PDE10A: variants seen among roughly 807,000 people sequenced by gnomAD.
The protein encoded by PDE10A is phosphodiesterase 10A, also known as cAMP and cAMP-inhibited cGMP 3',5'-cyclic phosphodiesterase 10A.
In PDE10A, 39 loss-of-function variants were observed where a neutral mutation model predicts 97.7. The observed-to-expected ratio is 0.40, with a 90% confidence interval of 0.31 to 0.52. The LOEUF is 0.52. Among genes scored for constraint, PDE10A ranks in the 20% least tolerant of loss-of-function variants. The pLI is 0.56. For synonymous variants in PDE10A, 371 were observed against 376.8 expected (o/e 0.98, Z 0.18); for missense variants, 731 against 1,047.8 (o/e 0.70, Z 4.17).
At chr6:165,407,333 C>T (rs1339188088) in intron 13 of PDE10A, among the ~76,000 whole-genome samples, 3 of 152,156 alleles carry the variant, frequency 2.0e-5, no homozygotes, top group Non-Finnish European at 2.9e-5. Context: ...GGCTCTATCA[C>T]ATACTTGCTA....
chr6:165,598,977 T>G (rs969080718), intron 1 of PDE10A, among the ~76,000 whole-genome samples: 3 of 152,102 alleles, frequency 2.0e-5, no homozygotes, highest in African/African-American at 7.2e-5. Flanking sequence ...GCAGACTGCC[T>G]CTCCAGTCCT....
intron 1 of PDE10A, among the ~76,000 whole-genome samples, chr6:165,923,333 G>T (rs1782811656): frequency 6.6e-6 from 1 of 152,222 alleles, no homozygotes; most frequent in Non-Finnish European, 1.5e-5. Flanking sequence ...CTCTGTGCAT[G>T]TCTACTAGAA....
At chr6:165,519,741 TATG>T (rs1424686144) in intron 2 of PDE10A, among the ~76,000 whole-genome samples, 4 of 152,208 alleles carry the variant, frequency 2.6e-5, no homozygotes, top group South Asian at 2.1e-4. Context: ...CTGAGGTGCC[TATG>T]ATAACACGTG....
chr6:165,907,167 G>A (rs540950812), intron 1 of PDE10A, among the ~76,000 whole-genome samples: 3 of 152,346 alleles, frequency 2.0e-5, no homozygotes, highest in South Asian at 4.1e-4. Flanking sequence ...TGGTGATGGG[G>A]CCAAAACCCT....
intron 1 of PDE10A, among the ~76,000 whole-genome samples, chr6:165,928,423 C>A (rs66751203): frequency 0.094 from 14,326 of 152,220 alleles, 861 homozygotes; most frequent in African/African-American, 0.14. Flanking sequence ...ACTCCAGGAT[C>A]CAGGGAGCCC....
chr6:165,622,273 A>AGAGT (rs1788175827), intron 1 of PDE10A, among the ~76,000 whole-genome samples: 1 of 148,838 alleles, frequency 6.7e-6, no homozygotes, highest in African/African-American at 2.5e-5. Flanking sequence ...TGTGTTTGTG[A>AGAGT]GTGTGTGTGT....
At chr6:165,567,994 A>G (rs864880) in intron 1 of PDE10A, among the ~76,000 whole-genome samples, 1 of 130,650 alleles carries the variant, frequency 7.7e-6, no homozygotes, top group Non-Finnish European at 1.5e-5. Flanking sequence ...GCAACAAGGC[A>G]TTTTTTTTTT....
chr6:165,780,089 A>G (rs1778304406), intron 1 of PDE10A, among the ~76,000 whole-genome samples: 1 of 152,118 alleles, frequency 6.6e-6, no homozygotes, highest in African/African-American at 2.4e-5. Flanking sequence ...TTACATTTGT[A>G]TCTTTAAGTG....
chr6:165,724,290 T>A (rs1021943842), intron 1 of PDE10A, among the ~76,000 whole-genome samples: 23 of 152,172 alleles, frequency 1.5e-4, no homozygotes, highest in Non-Finnish European at 1.8e-4. Flanking sequence ...ACCTATAACA[T>A]GAGGTCATCA....
intron 1 of PDE10A, among the ~76,000 whole-genome samples, chr6:165,604,521 A>T (rs1172907543): frequency 1.4e-5 from 2 of 145,840 alleles, no homozygotes; most frequent in African/African-American, 2.5e-5. Context: ...TCTTTGTTAA[A>T]AAAAAAAAAA....
At chr6:165,764,612 C>T (rs1319911031) in intron 1 of PDE10A, among the ~76,000 whole-genome samples, 2 of 152,082 alleles carry the variant, frequency 1.3e-5, no homozygotes, top group South Asian at 2.1e-4. Flanking sequence ...CAGACCTTCG[C>T]AGTGAGTGTT....
At chr6:165,673,378 T>C (rs545231404) in intron 1 of PDE10A, among the ~76,000 whole-genome samples, 1 of 152,220 alleles carries the variant, frequency 6.6e-6, no homozygotes, top group Non-Finnish European at 1.5e-5. Flanking sequence ...GAGAAAAGCA[T>C]AGCCATGCAA....
chr6:165,695,816 G>A (rs1791429820), intron 1 of PDE10A, among the ~76,000 whole-genome samples: 1 of 152,142 alleles, frequency 6.6e-6, no homozygotes, highest in South Asian at 2.1e-4. Flanking sequence ...CATCTGGCAG[G>A]AGTCCTCTTG....
intron 1 of PDE10A, among the ~76,000 whole-genome samples, chr6:165,627,932 T>A (rs980629644): frequency 6.6e-6 from 1 of 152,228 alleles, no homozygotes; most frequent in Non-Finnish European, 1.5e-5. Flanking sequence ...CAAAGTTGCC[T>A]CTGTCTTGCA....
At chr6:165,445,494 T>C (rs749378550) in intron 5 of PDE10A, among the ~76,000 whole-genome samples, 4 of 152,268 alleles carry the variant, frequency 2.6e-5, no homozygotes, top group Middle Eastern at 3.4e-3. Flanking sequence ...GGGGCCTTTC[T>C]GTGAGGAAGT....
At chr6:165,606,818 G>A (rs765996679) in intron 1 of PDE10A, among the ~76,000 whole-genome samples, 9 of 152,098 alleles carry the variant, frequency 5.9e-5, no homozygotes, top group Non-Finnish European at 1.0e-4. Flanking sequence ...CGTGCAGTGC[G>A]TGCAGGGGCT....
intron 1 of PDE10A, among the ~76,000 whole-genome samples, chr6:165,569,250 C>CT (rs1784933936): frequency 6.6e-6 from 1 of 152,056 alleles, no homozygotes; most frequent in African/African-American, 2.4e-5. Flanking sequence ...TTGTAGGGGC[C>CT]TTTTTTTCTC....
At position 165,330,353 on chromosome 6, in the gene PDE10A, A is replaced by G. The variant is rs1423938529; in HGVS notation, c.*2672T>C. ...AAGATCTGGGAACAAGACAAGAAAC[A>G]TGACCCGAAAGTCTGTCTCCTAAAC... On this transcript the variant is annotated 3_prime_UTR_variant, in exon 22 of 22. Coordinates refer to ENST00000539869, the MANE Select transcript of PDE10A (RefSeq NM_001385079.1). 6.6e-6 allele frequency: 1 copy of G among 152,168 alleles called. No individual in the cohort carries two copies. The highest frequency in any genetic ancestry group is 6.5e-5 in the Admixed American group (1 of 15,282). 9.4% of individuals were successfully genotyped at this position (152,168 alleles called of 1,614,324 possible).
At chr6:165,709,273 C>T (rs1404170134) in intron 1 of PDE10A, among the ~76,000 whole-genome samples, 3 of 141,768 alleles carry the variant, frequency 2.1e-5, no homozygotes, top group Admixed American at 7.0e-5. Context: ...CATGCTGCCA[C>T]GCTGTCCTCC....
Sources: allele counts gnomAD v4.1 joint callset (sites outside exome capture counted in the v4.1 genomes callset), GRCh38; gene constraint gnomAD v4.1.1; transcripts MANE v1.5; gene names NCBI Gene and HGNC (gene_info 2026-07-23, HGNC 2026-07-21).